PTPRS: variants seen among roughly 807,000 people sequenced by gnomAD.
PTPRS encodes protein tyrosine phosphatase receptor type S.
Under a neutral mutation model 215.3 loss-of-function variants are expected in PTPRS, and 63 were observed. The ratio of observed to expected loss-of-function variants is 0.29; its 90% CI spans 0.24 to 0.36. The LOEUF (loss-of-function observed/expected upper bound fraction) is 0.36. Among genes scored for constraint, PTPRS ranks in the 10% least tolerant of loss-of-function variants. The pLI, the probability that PTPRS is intolerant of heterozygous loss-of-function variation, is 1.00. For synonymous variants in PTPRS, 1,404 were observed against 1,191.4 expected (o/e 1.18, Z -3.68); for missense variants, 2,258 against 2,825.8 (o/e 0.80, Z 4.56).
rs56670306 is a variant in PTPRS at position 5,297,722 on chromosome 19, C to T, written c.-94-11488G>A. The stretch of plus-strand genomic sequence containing the variant: ...ACAAACACCTATGACAACAGAGTTG[C>T]AGGCAGGAGGAACAGCAAATACGAT... On this transcript the variant is annotated intron_variant, in intron 1 of 37. Coordinates refer to ENST00000262963, the MANE Select transcript of PTPRS (RefSeq NM_002850.4). Among the ~76,000 whole-genome samples, 505 of 152,072 alleles carry T rather than the reference C, an allele frequency of 3.3e-3. 2 individuals are homozygous for T. Among genetic ancestry groups the T allele is most frequent in the African/African-American group, 0.012 (482 of 41,478 alleles).
rs2040722844 is a variant in PTPRS, at chr19:5,210,030, GA to G, written c.5487+438del. Among the ~76,000 whole-genome samples, 2 of 152,070 alleles carry G rather than the reference GA, an allele frequency of 1.3e-5. No homozygotes were observed. The highest frequency in any genetic ancestry group is 1.3e-4 in the Admixed American group (2 of 15,270). ...ATACCTGGCCTTTCTCCCTCCACCT[GA>G]CACTGCAGTCCTTCATTGAGCCAAC... is the stretch of plus-strand genomic sequence containing the variant. On this transcript the variant is annotated intron_variant, in intron 35 of 37. Transcript: ENST00000262963. The surrounding 1 kb of genome is among the most constrained non-coding windows in gnomAD (Gnocchi z 4.5).
At chr19:5,228,735 G>A (rs943520231) in intron 16 of PTPRS, among the ~76,000 whole-genome samples, 3 of 152,226 alleles carry the variant, frequency 2.0e-5, no homozygotes, top group African/African-American at 7.2e-5. Context: ...CCAGAGAGAG[G>A]TAGCAACTTG....
chr19:5,240,066 A>G (rs2043891381), intron 12 of PTPRS, 133 bp downstream of exon 12: 3 of 1,089,458 alleles, frequency 2.8e-6, no homozygotes. Flanking sequence ...ACGCAGGAGA[A>G]GCAGAAGGGG....
At chr19:5,249,327 T>TAAACAAAC (rs542926147) in intron 9 of PTPRS, among the ~76,000 whole-genome samples, 12 of 152,008 alleles carry the variant, frequency 7.9e-5, no homozygotes, top group Admixed American at 2.6e-4. Flanking sequence ...AATAAATAAA[T>TAAACAAAC]AAACAAACAA....
At chr19:5,208,501 G>A (rs2040571718) in intron 35 of PTPRS, 110 bp from the exon 36 acceptor site, 1 of 1,180,070 alleles carries the variant, frequency 8.5e-7, no homozygotes, top group Non-Finnish European at 1.1e-6. Context: ...TTGTTTTTGA[G>A]ATGGAGTTTC....
At chr19:5,221,609 C>T (rs2041984301) in intron 19 of PTPRS, among the ~76,000 whole-genome samples, 1 of 152,040 alleles carries the variant, frequency 6.6e-6, no homozygotes, top group Non-Finnish European at 1.5e-5. Flanking sequence ...TGAGCGCTGA[C>T]CCTAGGTGGA....
At chr19:5,255,957 T>C (rs2045521948) in intron 9 of PTPRS, 151 bp downstream of exon 9, 1 of 602,724 alleles carries the variant, frequency 1.7e-6, no homozygotes, top group East Asian at 3.3e-5. Context: ...TATTCCATCT[T>C]TTAAAATTGT....
rs1038468247 is a variant in PTPRS at position 5,237,219 on chromosome 19, T to A, written c.1849+1700A>T. On this transcript the variant is annotated intron_variant, in intron 13 of 37. Coordinates refer to ENST00000262963, the MANE Select transcript of PTPRS (RefSeq NM_002850.4). This position sits in a 1 kb window ranked among gnomAD's most constrained non-coding sequence, Gnocchi z 4.2. Reference sequence around the variant, plus strand: ...GGCTGGAGGCAGGAAGGTGGCACGGTGTCTGGGGAGACCCACGGCTGAGTG... The same window carrying A: ...GGCTGGAGGCAGGAAGGTGGCACGGAGTCTGGGGAGACCCACGGCTGAGTG... 3.9e-5 allele frequency among the ~76,000 whole-genome samples: 6 copies of A among 152,058 alleles called. No homozygotes were observed. The highest frequency in any genetic ancestry group is 1.4e-4 in the African/African-American group (6 of 41,418).
intron 4 of PTPRS, among the ~76,000 whole-genome samples, chr19:5,267,682 A>G (rs533969328): frequency 1.5e-4 from 22 of 150,302 alleles, no homozygotes; most frequent in Non-Finnish European, 2.8e-4. Flanking sequence ...AGATTAGGAA[A>G]CAGCCACGTA....
intron 1 of PTPRS, among the ~76,000 whole-genome samples, chr19:5,306,534 G>A (rs1464772026): frequency 2.0e-5 from 3 of 152,118 alleles, no homozygotes; most frequent in Non-Finnish European, 4.4e-5. Context: ...AGCACACGCA[G>A]CCCAGGCCTC....
At chr19:5,303,866 G>A (rs540761184) in intron 1 of PTPRS, among the ~76,000 whole-genome samples, 128 of 147,190 alleles carry the variant, frequency 8.7e-4, no homozygotes, top group African/African-American at 3.0e-3. Context: ...CAGGAGAATC[G>A]CTTGAACCCG....
At chr19:5,241,651 C>T (rs1568458961) in intron 11 of PTPRS, among the ~76,000 whole-genome samples, 1 of 151,952 alleles carries the variant, frequency 6.6e-6, no homozygotes, top group East Asian at 1.9e-4. Flanking sequence ...AGAGTGCCAA[C>T]CGTCCCGGCC....
chr19:5,245,672 A>T lies in PTPRS; in HGVS notation c.988+104T>A, dbSNP rs906268515. On this transcript the variant is annotated intron_variant, in intron 10 of 37. Coordinates refer to ENST00000262963, the MANE Select transcript of PTPRS (RefSeq NM_002850.4). Reference sequence around the variant, plus strand: ...CTAGCCATGAATGACTGAAGCCAAGAGGGTAACTCGGAGGTGCTCCCACGC... The same window carrying T: ...CTAGCCATGAATGACTGAAGCCAAGTGGGTAACTCGGAGGTGCTCCCACGC... The T allele has an allele frequency of 2.8e-6, 4 of 1,443,088 alleles. No homozygotes were observed. In the Admixed American group the frequency reaches 7.7e-5, roughly 28 times the overall value. 89.4% of individuals were successfully genotyped at this position (1,443,088 alleles called of 1,614,324 possible). A position where few individuals can be genotyped will look rare whatever the true frequency, so the allele number is the denominator to read the frequency against.
chr19:5,210,454 T>G lies in PTPRS; in HGVS notation c.5487+15A>C. ...AAGGCTCCAGCCCCTCCCGCCAGTC[T>G]GTCTCTTCACTCACCCGGGCATCTG... is the stretch of plus-strand genomic sequence containing the variant. On this transcript the variant is annotated intron_variant, in intron 35 of 37. Transcript: ENST00000262963. This position sits in a 1 kb window ranked among gnomAD's most constrained non-coding sequence, Gnocchi z 4.5. 6.2e-7 allele frequency: 1 copy of G among 1,614,128 alleles called. No individual in the cohort carries two copies. Among genetic ancestry groups the G allele is most frequent in the Non-Finnish European group, 8.5e-7 (1 of 1,179,970 alleles).
At chr19:5,215,246 G>A (rs781377153) in intron 28 of PTPRS, 43 bp downstream of exon 28, 12 of 1,607,552 alleles carry the variant, frequency 7.5e-6, no homozygotes, top group Non-Finnish European at 1.0e-5. Context: ...CACTTTCCAT[G>A]CAGTGGGGAA....
intron 13 of PTPRS, 102 bp from the exon 14 acceptor site, chr19:5,231,717 AGAT>A (rs1326436430): frequency 6.3e-5 from 30 of 475,704 alleles, no homozygotes; most frequent in Non-Finnish European, 6.2e-5. Context: ...ATAAAAAAGA[AGAT>A]GATAACAAAC....
intron 2 of PTPRS, 33 bp from the exon 3 acceptor site, chr19:5,274,377 G>T: frequency 6.3e-7 from 1 of 1,598,856 alleles, no homozygotes. Context: ...GGGGGGCGCT[G>T]ATGGGTCCAG....
intron 14 of PTPRS, 50 bp from the exon 15 acceptor site, chr19:5,229,734 G>A (rs930559624): frequency 3.6e-6 from 4 of 1,111,722 alleles, no homozygotes; most frequent in Non-Finnish European, 3.4e-6. Context: ...TTACCAGGGC[G>A]CCCGGCCCTG....
intron 6 of PTPRS, among the ~76,000 whole-genome samples, chr19:5,262,109 T>C (rs2046044172): frequency 6.6e-6 from 1 of 152,126 alleles, no homozygotes; most frequent in African/African-American, 2.4e-5. Context: ...ACCCCGTCTC[T>C]ACTAAAAATA....
Sources: gnomAD v4.1 joint callset for allele counts (sites outside exome capture counted in the v4.1 genomes callset) on GRCh38, gnomAD v4.1.1 for gene constraint, Gnocchi (gnomAD v3.1) non-coding constraint, MANE v1.5 for transcripts, NCBI Gene and HGNC (gene_info 2026-07-23, HGNC 2026-07-21) for gene names.